Variants in DOCK6 observed in about 807,000 individuals in gnomAD.
DOCK6 encodes dedicator of cytokinesis 6, also known as dedicator of cytokinesis protein 6.
A neutral mutation model predicts 230.3 loss-of-function variants in DOCK6; 167 were observed. The observed-to-expected ratio is 0.73, with a 90% CI of 0.64 to 0.82. The LOEUF is 0.82. DOCK6 is among the 40% of genes least tolerant of loss of function. The pLI is 0.00. For synonymous variants in DOCK6, 1,148 were observed against 1,185.0 expected (o/e 0.97, Z 0.64); for missense variants, 2,598 against 2,825.8 (o/e 0.92, Z 1.83).
rs184781818 is a variant in DOCK6 at position 11,206,664 on chromosome 19, A to G, written c.5088+2022T>C. Among the ~76,000 whole-genome samples, 94 of 152,196 alleles carry G rather than the reference A, an allele frequency of 6.2e-4. 1 individual carries two copies. The East Asian group carries it at 0.017, about 28-fold the overall frequency. ...TGATTCAAACCAAGTCACCCCAGAA[A>G]AGATACATCAGAGATCATCTGGGAC... On this transcript the variant is annotated intron_variant, in intron 39 of 47. Transcript: ENST00000294618.
At chr19:11,258,499 C>A (rs772987108) in intron 1 of DOCK6, among the ~76,000 whole-genome samples, 4 of 150,960 alleles carry the variant, frequency 2.6e-5, no homozygotes, top group Admixed American at 6.6e-5. Context: ...GTGGTGAAAT[C>A]TCAGCTCACT....
chr19:11,240,582 C>CTTT (rs869249463), intron 14 of DOCK6, among the ~76,000 whole-genome samples: 3 of 136,360 alleles, frequency 2.2e-5, no homozygotes, highest in Non-Finnish European at 3.2e-5. Context: ...TCAATAAATT[C>CTTT]TTTTTTTTTT....
intron 7 of DOCK6, chr19:11,247,213 C>G (rs1255503774): frequency 6.6e-6 from 1 of 151,908 alleles, no homozygotes; most frequent in Non-Finnish European, 1.5e-5. Context: ...CTCAGCCTCC[C>G]AAGTAGTGGG....
chr19:11,232,312 T>C, intron 22 of DOCK6: 1 of 1,287,868 alleles, frequency 7.8e-7, no homozygotes, highest in Non-Finnish European at 1.0e-6. Context: ...GGAGAAGTGG[T>C]AGCATCCCCA....
At chr19:11,234,663 G>A (rs919669547) in intron 21 of DOCK6, among the ~76,000 whole-genome samples, 1 of 152,078 alleles carries the variant, frequency 6.6e-6, no homozygotes, top group Non-Finnish European at 1.5e-5. Context: ...GAGAAGTGAC[G>A]TCACTTGCCC....
chr19:11,229,192 C>T (rs2079723074), intron 22 of DOCK6, 157 bp from the exon 23 acceptor site: 2 of 1,261,954 alleles, frequency 1.6e-6, no homozygotes, highest in Non-Finnish European at 1.1e-6. Context: ...AGTGCCCTTT[C>T]CCTGGGCTCG....
intron 41 of DOCK6, chr19:11,203,518 T>G (rs1439025796): frequency 2.0e-5 from 3 of 153,772 alleles, no homozygotes; most frequent in Non-Finnish European, 4.3e-5. Context: ...GCCTGGGCTC[T>G]GGGTTTCTGC....
chr19:11,204,395 A>C (rs2079223246), intron 39 of DOCK6, 64 bp from the exon 40 acceptor site: 3 of 1,577,358 alleles, frequency 1.9e-6, no homozygotes, highest in Non-Finnish European at 2.6e-6. Context: ...GCTCCTGTCT[A>C]CCCATCTCCC....
chr19:11,212,611 A>G (rs1215656634), intron 35 of DOCK6, among the ~76,000 whole-genome samples: 1 of 137,574 alleles, frequency 7.3e-6, no homozygotes, highest in Admixed American at 7.7e-5. Flanking sequence ...CACTTAGGCT[A>G]GAATGCAGTG....
intron 14 of DOCK6, chr19:11,241,561 C>T: frequency 6.4e-7 from 1 of 1,554,002 alleles, no homozygotes; most frequent in African/African-American, 1.4e-5. Context: ...AGAGGTGAGC[C>T]TGGCAGGGGT....
intron 32 of DOCK6, 69 bp downstream of exon 32, chr19:11,215,318 C>T (rs536708524): frequency 9.1e-6 from 13 of 1,434,574 alleles, no homozygotes; most frequent in Non-Finnish European, 1.3e-5. Flanking sequence ...AACTCCTGGA[C>T]TCAAGCAATC....
intron 37 of DOCK6, among the ~76,000 whole-genome samples, chr19:11,210,860 TCTC>T (rs939464594): frequency 6.0e-5 from 9 of 150,628 alleles, no homozygotes; most frequent in Admixed American, 4.0e-4. Context: ...CCTTCACCTG[TCTC>T]CTCACCTGTT....
intron 22 of DOCK6, among the ~76,000 whole-genome samples, chr19:11,231,174 G>T (rs943958279): frequency 2.6e-5 from 4 of 152,188 alleles, no homozygotes; most frequent in African/African-American, 7.2e-5. Context: ...AGCTGGAATA[G>T]GCCCTAGGGC....
At chr19:11,244,311 GAC>G (rs1164112586) in intron 9 of DOCK6, among the ~76,000 whole-genome samples, 1 of 149,386 alleles carries the variant, frequency 6.7e-6, no homozygotes, top group Non-Finnish European at 1.5e-5. Flanking sequence ...TTTTTTTTTA[GAC>G]AGAGTCTCCC....
At chr19:11,219,396 G>T (rs1186186227) in intron 28 of DOCK6, among the ~76,000 whole-genome samples, 5 of 148,840 alleles carry the variant, frequency 3.4e-5, no homozygotes, top group African/African-American at 1.2e-4. Flanking sequence ...CACCATGTTG[G>T]TCAGGCTGGT....
In DOCK6 at chr19:11,242,118, G is replaced by C; in HGVS notation, c.1570C>G (p.Pro524Ala). The C allele has an allele frequency of 6.6e-7, 1 of 1,515,380 alleles. No homozygotes were observed. Among genetic ancestry groups the C allele is most frequent in the African/African-American group, 1.4e-5 (1 of 71,548 alleles). The allele number at this position is 1,515,380 out of a possible 1,614,324, so 93.9% of individuals were successfully genotyped here. Residue 524 changes from proline (P) to alanine (A), a missense_variant, in exon 14 of 48, where the codon CCC becomes GCC. By Grantham distance (27) the Pro-to-Ala change is conservative. Coordinates refer to ENST00000294618, the MANE Select transcript of DOCK6 (RefSeq NM_020812.4). ...ATCTCCTTGGTGGGCCGGCCCCTGG[G>C]GTCCGGGTAGGGCTTGATATGAAGC... is the stretch of plus-strand genomic sequence containing the variant. ...ELLHIKPYPD[P>A]RGRPTKEILE...
intron 22 of DOCK6, among the ~76,000 whole-genome samples, chr19:11,230,702 G>A (rs1283212897): frequency 1.3e-5 from 2 of 152,122 alleles, no homozygotes; most frequent in Non-Finnish European, 2.9e-5. Context: ...AAGGCAGGAA[G>A]ATAAGGACAG....
intron 37 of DOCK6, 41 bp from the exon 38 acceptor site, chr19:11,209,144 C>A: frequency 6.4e-7 from 1 of 1,573,162 alleles, no homozygotes; most frequent in Non-Finnish European, 8.6e-7. Flanking sequence ...GGGGACTCAC[C>A]TGGTCCTCCC....
At chr19:11,235,391 T>A (rs2079829699) in intron 21 of DOCK6, among the ~76,000 whole-genome samples, 1 of 152,188 alleles carries the variant, frequency 6.6e-6, no homozygotes, top group Admixed American at 6.5e-5. Context: ...ATTATAGGCA[T>A]TAGCCACCAT....
Sources: allele counts gnomAD v4.1 joint callset (sites outside exome capture counted in the v4.1 genomes callset), GRCh38; gene constraint gnomAD v4.1.1; transcripts MANE v1.5; gene names NCBI Gene and HGNC (gene_info 2026-07-23, HGNC 2026-07-21).